The following CSMD1 variants were observed in gnomAD, a reference collection of about 807,000 sequenced individuals.
CSMD1 encodes CUB and sushi domain-containing protein 1.
Under a neutral mutation model 417.5 loss-of-function variants are expected in CSMD1, and 213 were observed. The observed-to-expected ratio is 0.51, with a 90% confidence interval of 0.46 to 0.57. The LOEUF is 0.57. Ranked by LOEUF, CSMD1 falls within the 20% of genes least tolerant of loss-of-function variation. The pLI, the probability that CSMD1 is intolerant of heterozygous loss-of-function variation, is 0.00. For synonymous variants in CSMD1, 2,862 were observed against 1,736.8 expected (o/e 1.65, Z -16.11); for missense variants, 6,923 against 4,529.7 (o/e 1.53, Z -15.17).
chr8:3,767,971 A>C (rs1798375226), intron 5 of CSMD1, among the ~76,000 whole-genome samples: 1 of 152,198 alleles, frequency 6.6e-6, no homozygotes, highest in African/African-American at 2.4e-5. Flanking sequence ...GGGATGCTGA[A>C]CTTTTAAATA....
intron 21 of CSMD1, among the ~76,000 whole-genome samples, chr8:3,355,257 C>T (rs1367038249): frequency 6.6e-6 from 1 of 151,802 alleles, no homozygotes; most frequent in East Asian, 1.9e-4. Flanking sequence ...ACATACAGCC[C>T]TTTAACACCC....
intron 4 of CSMD1, among the ~76,000 whole-genome samples, chr8:4,029,402 G>A (rs930743326): frequency 6.6e-6 from 1 of 152,186 alleles, no homozygotes; most frequent in Non-Finnish European, 1.5e-5. Context: ...AATCATGGTG[G>A]AAGGCAAGGA....
At chr8:3,868,941 A>G (rs79272723) in intron 5 of CSMD1, among the ~76,000 whole-genome samples, 1 of 152,152 alleles carries the variant, frequency 6.6e-6, no homozygotes, top group Non-Finnish European at 1.5e-5. Flanking sequence ...AGAGCCAAAG[A>G]GACTCCATTA....
chr8:3,388,566 T>A (rs1811151236), intron 17 of CSMD1, among the ~76,000 whole-genome samples: 1 of 152,204 alleles, frequency 6.6e-6, no homozygotes, highest in African/African-American at 2.4e-5. Flanking sequence ...GACTGTTTAG[T>A]CTCTAAAGGT....
At chr8:4,730,274 A>G (rs1809758044) in intron 1 of CSMD1, among the ~76,000 whole-genome samples, 1 of 152,198 alleles carries the variant, frequency 6.6e-6, no homozygotes, top group African/African-American at 2.4e-5. Flanking sequence ...CAGGGAACTC[A>G]GAACAACTGT....
At chr8:4,766,765 G>C (rs755034521) in intron 1 of CSMD1, among the ~76,000 whole-genome samples, 1 of 152,228 alleles carries the variant, frequency 6.6e-6, no homozygotes, top group South Asian at 2.1e-4. Context: ...GATTTATGAA[G>C]GTTTGTACGC....
chr8:4,802,881 T>C (rs778861798), intron 1 of CSMD1, among the ~76,000 whole-genome samples: 1 of 152,212 alleles, frequency 6.6e-6, no homozygotes, highest in East Asian at 1.9e-4. Context: ...TCATGTCATA[T>C]CCGTGTGTTT....
chr8:3,284,708 T>G, intron 25 of CSMD1: 1 of 234,062 alleles, frequency 4.3e-6, no homozygotes, highest in South Asian at 6.0e-5. Flanking sequence ...CAGATGTGTT[T>G]GAAGCAGATG....
At chr8:3,251,582 T>G (rs1011287421) in intron 26 of CSMD1, among the ~76,000 whole-genome samples, 1 of 152,170 alleles carries the variant, frequency 6.6e-6, no homozygotes, top group Non-Finnish European at 1.5e-5. Context: ...TTAAAGTAGT[T>G]TTTTCCAATT....
At chr8:4,372,778 G>C (rs1389293948) in intron 3 of CSMD1, among the ~76,000 whole-genome samples, 3 of 151,462 alleles carry the variant, frequency 2.0e-5, no homozygotes, top group East Asian at 1.9e-4. Context: ...ATAACCCAAA[G>C]TGTACAATAA....
At chr8:4,821,986 T>G (rs1483490791) in intron 1 of CSMD1, among the ~76,000 whole-genome samples, 1 of 152,000 alleles carries the variant, frequency 6.6e-6, no homozygotes, top group Non-Finnish European at 1.5e-5. Context: ...AAAATAAAGT[T>G]CCTCTGTAAT....
intron 27 of CSMD1, among the ~76,000 whole-genome samples, chr8:3,228,836 G>C (rs1798664070): frequency 6.6e-6 from 1 of 150,986 alleles, no homozygotes; most frequent in African/African-American, 2.4e-5. Context: ...TAAAATGATC[G>C]CCACATTGAT....
intron 46 of CSMD1, among the ~76,000 whole-genome samples, chr8:3,102,193 A>T: frequency 6.6e-6 from 1 of 152,240 alleles, no homozygotes; most frequent in East Asian, 1.9e-4. Context: ...CCACTTGAGC[A>T]CAATCGAATC....
chr8:4,446,055 G>A (rs1028632820), intron 2 of CSMD1, among the ~76,000 whole-genome samples: 2 of 152,194 alleles, frequency 1.3e-5, no homozygotes, highest in African/African-American at 2.4e-5. Flanking sequence ...AAGAAGAGGA[G>A]ACGAGGCTGT....
At position 4,912,798 on chromosome 8, in the gene CSMD1, A is replaced by AGGG. The variant is rs111546193; in HGVS notation, c.85+81531_85+81533dup. Among the ~76,000 whole-genome samples the AGGG allele has an allele frequency of 2.1e-3, 319 of 151,538 alleles. 9 individuals are homozygous for AGGG. The East Asian group carries it at 0.026, about 12-fold the overall frequency. On this transcript the variant is annotated intron_variant, in intron 1 of 69. Coordinates refer to ENST00000635120, the MANE Select transcript of CSMD1 (RefSeq NM_033225.6). ...ATACAGCACCAGCTATTTTTTTTGG[A>AGGG]GGGGGGGCACAGAGTCTTGCTCTGT...
intron 5 of CSMD1, among the ~76,000 whole-genome samples, chr8:3,936,978 G>C (rs1255770597): frequency 1.3e-5 from 2 of 152,124 alleles, no homozygotes; most frequent in African/African-American, 2.4e-5. Context: ...AAAAGAAGTT[G>C]ATTTCAATCC....
At chr8:3,343,179 A>C (rs2117611185) in intron 23 of CSMD1, 115 bp downstream of exon 23, 2 of 867,102 alleles carry the variant, frequency 2.3e-6, no homozygotes, top group Non-Finnish European at 3.6e-6. Context: ...AACTGCAATC[A>C]AAAACACAGT....
intron 5 of CSMD1, among the ~76,000 whole-genome samples, chr8:3,801,080 C>T (rs191397077): frequency 3.3e-5 from 5 of 151,844 alleles, no homozygotes; most frequent in East Asian, 3.9e-4. Flanking sequence ...TGATATGATA[C>T]AAAAAGCACA....
intron 5 of CSMD1, among the ~76,000 whole-genome samples, chr8:3,907,750 G>C (rs1160906027): frequency 2.0e-5 from 3 of 152,166 alleles, no homozygotes; most frequent in Non-Finnish European, 4.4e-5. Flanking sequence ...AGACCTGCCT[G>C]TGTCAGTCAG....
Sources: allele counts gnomAD v4.1 joint callset (sites outside exome capture counted in the v4.1 genomes callset), GRCh38; gene constraint gnomAD v4.1.1; transcripts MANE v1.5; gene names NCBI Gene and HGNC (gene_info 2026-07-23, HGNC 2026-07-21).